ZNF322: variants seen among roughly 807,000 people sequenced by gnomAD.
ZNF322 encodes the protein zinc finger protein 322.
In ZNF322, 1 loss-of-function variant was observed where a neutral mutation model predicts 18.3. That is an observed-to-expected ratio of 0.05 (90% confidence interval 0.02 to 0.26). The LOEUF is 0.26. Ranked by LOEUF, ZNF322 falls within the 10% of genes least tolerant of loss-of-function variation. The pLI, the probability that ZNF322 is intolerant of heterozygous loss-of-function variation, is 1.00. For missense variants in ZNF322, 36 were observed against 403.6 expected, an observed-to-expected ratio of 0.09 and a Z score of 7.80; for synonymous variants, 17 against 130.7, an observed-to-expected ratio of 0.13 and a Z score of 5.93.
chr6:26,646,566 A>G (rs1210143963), intron 2 of ZNF322, among the ~76,000 whole-genome samples: 3 of 152,234 alleles, frequency 2.0e-5, no homozygotes, highest in South Asian at 2.1e-4. Context: ...AACAGAGATA[A>G]AAATATTAAT....
intron 2 of ZNF322, among the ~76,000 whole-genome samples, chr6:26,646,461 T>C (rs1765561457): frequency 6.6e-6 from 1 of 152,176 alleles, no homozygotes; most frequent in Non-Finnish European, 1.5e-5. Context: ...AACATAATAA[T>C]ACTTTCTAAA....
chr6:26,652,069 A>T (rs577124453), intron 2 of ZNF322, among the ~76,000 whole-genome samples: 31 of 152,282 alleles, frequency 2.0e-4, no homozygotes, highest in African/African-American at 7.5e-4. Context: ...CCTGAGCTCA[A>T]CTGATCTGCC....
At chr6:26,648,922 G>A (rs1765602729) in intron 2 of ZNF322, among the ~76,000 whole-genome samples, 1 of 152,194 alleles carries the variant, frequency 6.6e-6, no homozygotes, top group Non-Finnish European at 1.5e-5. Flanking sequence ...AGACTAAGGG[G>A]TGGCAAACTA....
chr6:26,655,482 A>AGCT (rs1291814277), intron 2 of ZNF322, among the ~76,000 whole-genome samples: 2 of 152,244 alleles, frequency 1.3e-5, no homozygotes, highest in African/African-American at 4.8e-5. Context: ...GATGGCATGT[A>AGCT]GCTAGCAGTA....
At chr6:26,653,421 A>G (rs1013421853) in intron 2 of ZNF322, among the ~76,000 whole-genome samples, 1 of 152,162 alleles carries the variant, frequency 6.6e-6, no homozygotes, top group African/African-American at 2.4e-5. Flanking sequence ...TAAAGCATAA[A>G]ATTACTCATA....
At chr6:26,643,263 A>G (rs1765496571) in intron 3 of ZNF322, among the ~76,000 whole-genome samples, 2 of 152,190 alleles carry the variant, frequency 1.3e-5, no homozygotes, top group Admixed American at 6.5e-5. Context: ...TCAGATGTCA[A>G]TTCTGAGGAA....
chr6:26,640,544 G>A (rs1468128287), intron 3 of ZNF322, among the ~76,000 whole-genome samples: 1 of 152,134 alleles, frequency 6.6e-6, no homozygotes, highest in African/African-American at 2.4e-5. Flanking sequence ...TATTCTCAGT[G>A]AAGTCATTTC....
rs573166644 is a variant in ZNF322 at position 26,647,884 on chromosome 6, T to C, written c.-245-4156A>G. 1.2e-3 allele frequency among the ~76,000 whole-genome samples: 180 copies of C among 152,048 alleles called. 1 individual carries two copies. The highest frequency in any genetic ancestry group is 4.1e-3 in the African/African-American group (171 of 41,484). On this transcript the variant is annotated intron_variant, in intron 2 of 3. Coordinates refer to ENST00000415922, the MANE Select transcript of ZNF322 (RefSeq NM_024639.5). ...TTTTAATATCCAATATCGCTTTTTT[T>C]TTTTTTTTTAAAGAGTCGGGGTCTT...
intron 2 of ZNF322, among the ~76,000 whole-genome samples, chr6:26,646,753 CAT>C (rs782671889): frequency 6.6e-6 from 1 of 152,028 alleles, no homozygotes; most frequent in African/African-American, 2.4e-5. Context: ...AAAAATCTGT[CAT>C]ATATTATGTA....
chr6:26,646,859 T>C (rs1214565466), intron 2 of ZNF322, among the ~76,000 whole-genome samples: 3 of 152,136 alleles, frequency 2.0e-5, no homozygotes, highest in African/African-American at 7.2e-5. Context: ...CCAAAGGTCC[T>C]TTCAAATGGG....
At chr6:26,653,448 G>C (rs1403145418) in intron 2 of ZNF322, among the ~76,000 whole-genome samples, 2 of 152,044 alleles carry the variant, frequency 1.3e-5, no homozygotes, top group Non-Finnish European at 1.5e-5. Context: ...TTTGTAACGG[G>C]AAAATATTTA....
chr6:26,659,251 G>C (rs1204359668), intron 1 of ZNF322, among the ~76,000 whole-genome samples, 190 bp downstream of exon 1: 1 of 152,196 alleles, frequency 6.6e-6, no homozygotes, highest in Non-Finnish European at 1.5e-5. Flanking sequence ...CTATCTCTAG[G>C]AACTACCGTA....
Position 26,644,523 on chromosome 6 carries a change from T to C in ZNF322, c.-245-795A>G, listed in dbSNP as rs1446018946. ...AATACATGTCACAGATGTCATCCCATTGAATCCAACTATGAAGTCTGGACA... is the reference window on the plus strand; with the variant it reads ...AATACATGTCACAGATGTCATCCCACTGAATCCAACTATGAAGTCTGGACA... On this transcript the variant is annotated intron_variant, in intron 2 of 3. Coordinates refer to ENST00000415922, the MANE Select transcript of ZNF322 (RefSeq NM_024639.5). Among the ~76,000 whole-genome samples the C allele has an allele frequency of 2.6e-5, 4 of 152,232 alleles. No individual in the cohort carries two copies. In the East Asian group the frequency reaches 5.8e-4, roughly 22 times the overall value.
intron 2 of ZNF322, among the ~76,000 whole-genome samples, chr6:26,650,178 TCA>T (rs1335076963): frequency 2.6e-5 from 4 of 152,030 alleles, no homozygotes; most frequent in African/African-American, 9.7e-5. Context: ...AAGACAATTC[TCA>T]CACACACAAA....
At chr6:26,646,787 C>T (rs1421573916) in intron 2 of ZNF322, among the ~76,000 whole-genome samples, 4 of 151,952 alleles carry the variant, frequency 2.6e-5, no homozygotes, top group Non-Finnish European at 5.9e-5. Context: ...ATCATTATCG[C>T]AAAGAAACAT....
intron 3 of ZNF322, among the ~76,000 whole-genome samples, chr6:26,642,306 C>T (rs575382121): frequency 1.4e-3 from 210 of 152,312 alleles, no homozygotes; most frequent in Admixed American, 6.5e-3. Flanking sequence ...TCAATAAATA[C>T]TGAGGGAACT....
intron 2 of ZNF322, among the ~76,000 whole-genome samples, chr6:26,658,215 C>A (rs1381296912): frequency 6.6e-6 from 1 of 152,052 alleles, no homozygotes; most frequent in Non-Finnish European, 1.5e-5. Context: ...AATCACCCAA[C>A]AACTTACAAA....
chr6:26,646,032 AAAATAAATAAATAAAT>A (rs58017104), intron 2 of ZNF322, among the ~76,000 whole-genome samples: 53 of 147,912 alleles, frequency 3.6e-4, no homozygotes, highest in African/African-American at 9.0e-4. Flanking sequence ...ACTCCGCCTC[AAAATAAATAAATAAAT>A]AAATAAATAA....
chr6:26,649,917 G>A (rs1554149038), intron 2 of ZNF322, among the ~76,000 whole-genome samples: 2 of 151,108 alleles, frequency 1.3e-5, no homozygotes, highest in Non-Finnish European at 2.9e-5. Flanking sequence ...TGGTCAGGTT[G>A]ATCTCGAACT....
Sources: allele counts gnomAD v4.1 joint callset (sites outside exome capture counted in the v4.1 genomes callset), GRCh38; gene constraint gnomAD v4.1.1; transcripts MANE v1.5; gene names NCBI Gene and HGNC (gene_info 2026-07-23, HGNC 2026-07-21).